The following FAT3 variants were observed in gnomAD, a reference collection of about 807,000 sequenced individuals.
The protein encoded by FAT3 is FAT atypical cadherin 3, also known as protocadherin Fat 3.
A neutral mutation model predicts 310.2 loss-of-function variants in FAT3; 95 were observed. The observed-to-expected ratio is 0.31, with a 90% confidence interval of 0.26 to 0.36. FAT3 has a LOEUF of 0.36. FAT3 is among the 10% of genes least tolerant of loss of function. The pLI, the probability that FAT3 is intolerant of heterozygous loss-of-function variation, is 1.00. For missense variants in FAT3, 5,408 were observed against 5,715.6 expected, an observed-to-expected ratio of 0.95 and a Z score of 1.74; for synonymous variants, 2,314 against 2,192.9, an observed-to-expected ratio of 1.06 and a Z score of -1.54.
At chr11:92,831,506 C>T (rs1948249849) in intron 13 of FAT3, 116 bp from the exon 14 acceptor site, 1 of 833,810 alleles carries the variant, frequency 1.2e-6, no homozygotes, top group East Asian at 2.7e-5. Context: ...CTGTCTGTTT[C>T]TGTAATAACT....
At position 92,895,403 on chromosome 11, in the gene FAT3, A is replaced by G. The variant is rs1168848391; in HGVS notation, c.*4290A>G. ...TCAATTAATATTTAGCCAGCTGGCTAAGAGATAGGAAAAGAATATGATATT... is the reference window on the plus strand; with the variant it reads ...TCAATTAATATTTAGCCAGCTGGCTGAGAGATAGGAAAAGAATATGATATT... On this transcript the variant is annotated 3_prime_UTR_variant, in exon 28 of 28. Transcript: ENST00000525166. The G allele has an allele frequency of 6.6e-6, 1 of 152,234 alleles. No individual in the cohort carries two copies. Among genetic ancestry groups the G allele is most frequent in the Non-Finnish European group, 1.5e-5 (1 of 68,044 alleles). 9.4% of individuals were successfully genotyped at this position (152,234 alleles called of 1,614,324 possible). A position where few individuals can be genotyped will look rare whatever the true frequency, so the allele number is the denominator to read the frequency against.
At chr11:92,338,262 A>C (rs1011813452) in intron 1 of FAT3, among the ~76,000 whole-genome samples, 1 of 152,250 alleles carries the variant, frequency 6.6e-6, no homozygotes, top group African/African-American at 2.4e-5. Flanking sequence ...CAACATGTAC[A>C]CTTGGTTTTT....
intron 1 of FAT3, among the ~76,000 whole-genome samples, chr11:92,285,245 C>A (rs1488249037): frequency 1.3e-5 from 2 of 151,650 alleles, no homozygotes; most frequent in African/African-American, 4.9e-5. Flanking sequence ...TTATGTGTTG[C>A]ATGTGCACAG....
At position 92,890,867 on chromosome 11, in the gene FAT3, G is replaced by A. The variant is rs376130419; in HGVS notation, c.13524G>A (p.Pro4508=). The change falls in exon 28 of 28, where the codon CCG becomes CCA. Residue 4508 remains proline (P), a synonymous_variant. Coordinates refer to ENST00000525166, the MANE Select transcript of FAT3 (RefSeq NM_001367949.2). The part of the protein sequence containing the change: ...PFPNETDLVG[P]PASCEFSTFA... Reference sequence around the variant, plus strand: ...CCAACGAAACGGATTTGGTGGGCCCGCCTGCCAGCTGTGAATTTAGTACTT... The same window carrying A: ...CCAACGAAACGGATTTGGTGGGCCCACCTGCCAGCTGTGAATTTAGTACTT... 6.8e-5 allele frequency: 109 copies of A among 1,613,928 alleles called. No homozygotes were observed. The African/African-American group carries it at 6.9e-4, about 10-fold the overall frequency.
intron 1 of FAT3, among the ~76,000 whole-genome samples, chr11:92,230,218 A>T (rs1864109648): frequency 7.8e-6 from 1 of 127,566 alleles, no homozygotes; most frequent in Admixed American, 8.9e-5. Flanking sequence ...AATTCTGTAA[A>T]GTCACATGGA....
In FAT3 at chr11:92,738,572, G is replaced by A. The variant is rs201120030; in HGVS notation, c.3670-23284G>A. Among the ~76,000 whole-genome samples, 22 of 152,246 alleles carry A rather than the reference G, an allele frequency of 1.4e-4. No homozygotes were observed. The East Asian group carries it at 4.1e-3, about 28-fold the overall frequency. ...TGCAGGTCCTCAAGGAGTAATTACTGAACACATAATACATAGTACAGATCA... is the reference window on the plus strand; with the variant it reads ...TGCAGGTCCTCAAGGAGTAATTACTAAACACATAATACATAGTACAGATCA... On this transcript the variant is annotated intron_variant, in intron 4 of 27. Coordinates refer to ENST00000525166, the MANE Select transcript of FAT3 (RefSeq NM_001367949.2).
chr11:92,272,328 G>C (rs537085433), intron 1 of FAT3, among the ~76,000 whole-genome samples: 2 of 152,196 alleles, frequency 1.3e-5, no homozygotes, highest in African/African-American at 4.8e-5. Context: ...TCTGGTTAAG[G>C]ATTCTCTGTT....
rs182772453 is a variant in FAT3, at chr11:92,779,466, G to T, written c.4335+5286G>T. 4.2e-4 allele frequency among the ~76,000 whole-genome samples: 64 copies of T among 152,042 alleles called. 1 individual carries two copies. The Middle Eastern group carries it at 0.017, about 40-fold the overall frequency. ...ATGGATTTCCACTGATCAAAGATGG[G>T]ATAATATGAACATCAAAAAGAATAA... On this transcript the variant is annotated intron_variant, in intron 7 of 27. Transcript: ENST00000525166.
intron 3 of FAT3, among the ~76,000 whole-genome samples, chr11:92,686,199 C>T (rs893632336): frequency 2.8e-4 from 42 of 152,188 alleles, no homozygotes; most frequent in African/African-American, 9.4e-4. Flanking sequence ...CTGAGGAGCA[C>T]GTTGTAGCAG....
At chr11:92,338,674 T>C (rs1948156803) in intron 1 of FAT3, among the ~76,000 whole-genome samples, 2 of 152,114 alleles carry the variant, frequency 1.3e-5, no homozygotes, top group Non-Finnish European at 2.9e-5. Flanking sequence ...CTTGATTTTG[T>C]TGGCAGAATA....
chr11:92,561,166 C>T (rs192024780), intron 3 of FAT3, among the ~76,000 whole-genome samples: 4 of 152,026 alleles, frequency 2.6e-5, no homozygotes, highest in East Asian at 1.9e-4. Context: ...ATTTTTGTCA[C>T]CACAGTACCC....
chr11:92,588,096 T>A (rs1308471624), intron 3 of FAT3, among the ~76,000 whole-genome samples: 2 of 151,982 alleles, frequency 1.3e-5, no homozygotes, highest in Admixed American at 6.6e-5. Context: ...AGGTTGACTG[T>A]ATAGGTCTAA....
intron 3 of FAT3, among the ~76,000 whole-genome samples, chr11:92,533,757 A>G (rs1427791794): frequency 6.6e-6 from 1 of 152,048 alleles, no homozygotes; most frequent in Non-Finnish European, 1.5e-5. Context: ...TCCTTGTTCC[A>G]TGCTGCTTCA....
At chr11:92,346,097 C>A (rs1401159460) in intron 1 of FAT3, among the ~76,000 whole-genome samples, 3 of 152,126 alleles carry the variant, frequency 2.0e-5, no homozygotes, top group South Asian at 2.1e-4. Flanking sequence ...CAGCCATTAG[C>A]ACCAACCAGG....
At chr11:92,560,490 T>C (rs1432526170) in intron 3 of FAT3, among the ~76,000 whole-genome samples, 2 of 125,502 alleles carry the variant, frequency 1.6e-5, no homozygotes. Flanking sequence ...TGCTTTTGCG[T>C]CTAACAGCCC....
chr11:92,236,038 A>C (rs1253887543), intron 1 of FAT3, among the ~76,000 whole-genome samples: 1 of 152,218 alleles, frequency 6.6e-6, no homozygotes, highest in Non-Finnish European at 1.5e-5. Context: ...TAGAACACAT[A>C]AGTAAGAATG....
chr11:92,632,470 A>C (rs1941592280), intron 3 of FAT3, among the ~76,000 whole-genome samples: 1 of 152,224 alleles, frequency 6.6e-6, no homozygotes, highest in African/African-American at 2.4e-5. Flanking sequence ...TGAGCAAGGC[A>C]ACAACTGGAT....
At chr11:92,379,621 T>G (rs1279207439) in intron 2 of FAT3, among the ~76,000 whole-genome samples, 1 of 152,208 alleles carries the variant, frequency 6.6e-6, no homozygotes, top group Admixed American at 6.5e-5. Context: ...GAGGCTCTTA[T>G]GAACAAGTGA....
intron 2 of FAT3, among the ~76,000 whole-genome samples, chr11:92,422,834 C>CT (rs1950558967): frequency 6.6e-6 from 1 of 152,084 alleles, no homozygotes; most frequent in South Asian, 2.1e-4. Flanking sequence ...CTGGCACAGT[C>CT]TATCAGTAGA....
Sources: gnomAD v4.1 joint callset for allele counts (sites outside exome capture counted in the v4.1 genomes callset) on GRCh38, gnomAD v4.1.1 for gene constraint, MANE v1.5 for transcripts, NCBI Gene and HGNC (gene_info 2026-07-23, HGNC 2026-07-21) for gene names.